WWC2: variants seen among roughly 807,000 people sequenced by gnomAD.
WWC2 encodes the protein protein WWC2.
WWC2 carries 101 observed loss-of-function variants against 138.5 expected under a neutral mutation model. The observed-to-expected ratio is 0.73, with a 90% CI of 0.62 to 0.86. The LOEUF (loss-of-function observed/expected upper bound fraction) is 0.86. Ranked by LOEUF, WWC2 falls within the 40% of genes least tolerant of loss-of-function variation. WWC2 has a pLI of 0.00. For synonymous variants in WWC2, 558 were observed against 538.4 expected (o/e 1.04, Z -0.50); for missense variants, 1,420 against 1,419.4 (o/e 1.00, Z -0.01).
intron 1 of WWC2, among the ~76,000 whole-genome samples, chr4:183,164,063 A>G (rs1260585490): frequency 6.6e-6 from 1 of 151,776 alleles, no homozygotes; most frequent in African/African-American, 2.4e-5. Context: ...AGAAAATGGA[A>G]CTGAAATTAA....
intron 1 of WWC2, among the ~76,000 whole-genome samples, chr4:183,183,341 C>G (rs1734694791): frequency 6.6e-6 from 1 of 151,902 alleles, no homozygotes; most frequent in South Asian, 2.1e-4. Flanking sequence ...AGTCTCCCTT[C>G]CCCCACCTGG....
At position 183,318,125 on chromosome 4, in the gene WWC2, G is replaced by A. The variant is rs904454649; in HGVS notation, c.*2396G>A. On this transcript the variant is annotated 3_prime_UTR_variant, in exon 23 of 23. Coordinates refer to ENST00000403733, the MANE Select transcript of WWC2 (RefSeq NM_024949.6). ...TATTTTTAAAAGGTAGAATTTATTC[G>A]CACAGGGTAAAAAGAATGTAATATT... The A allele has an allele frequency of 1.8e-4, 27 of 152,026 alleles. No individual in the cohort carries two copies. The highest frequency in any genetic ancestry group is 3.2e-3 in the Middle Eastern group (1 of 314). The allele number at this position is 152,026 out of a possible 1,614,324, so 9.4% of individuals were successfully genotyped here.
At chr4:183,229,552 T>A (rs1383378281) in intron 4 of WWC2, among the ~76,000 whole-genome samples, 1 of 152,018 alleles carries the variant, frequency 6.6e-6, no homozygotes, top group African/African-American at 2.4e-5. Flanking sequence ...AATGTTTCCA[T>A]CACCAGGGAT....
intron 1 of WWC2, among the ~76,000 whole-genome samples, chr4:183,179,986 A>G (rs1315546911): frequency 1.3e-5 from 2 of 152,208 alleles, no homozygotes; most frequent in African/African-American, 2.4e-5. Context: ...GAGCTTAACA[A>G]TGTCACTAAA....
chr4:183,315,063 G>T (rs981417523), intron 22 of WWC2, among the ~76,000 whole-genome samples: 1 of 152,220 alleles, frequency 6.6e-6, no homozygotes, highest in Non-Finnish European at 1.5e-5. Flanking sequence ...GTGAAGTTCT[G>T]TAGGGAAATA....
intron 1 of WWC2, among the ~76,000 whole-genome samples, chr4:183,136,811 G>A (rs1167500789): frequency 6.6e-6 from 1 of 152,050 alleles, no homozygotes; most frequent in East Asian, 1.9e-4. Flanking sequence ...TTCCAGTGTG[G>A]CCCAGGGAAA....
chr4:183,254,668 G>C (rs1424988398), intron 9 of WWC2, among the ~76,000 whole-genome samples: 1 of 152,226 alleles, frequency 6.6e-6, no homozygotes, highest in East Asian at 1.9e-4. Flanking sequence ...AAGAGCCTGG[G>C]TCCAGGCCTT....
chr4:183,300,189 C>G (rs995387360), intron 21 of WWC2, among the ~76,000 whole-genome samples: 3 of 152,076 alleles, frequency 2.0e-5, no homozygotes, highest in African/African-American at 7.2e-5. Flanking sequence ...GGAGGTGAAT[C>G]ACACCCTTCT....
At chr4:183,205,614 T>A (rs1188685847) in intron 2 of WWC2, among the ~76,000 whole-genome samples, 2 of 152,086 alleles carry the variant, frequency 1.3e-5, no homozygotes, top group African/African-American at 4.8e-5. Context: ...GAGTTTTATA[T>A]TTTTTTTCTT....
intron 21 of WWC2, 64 bp downstream of exon 21, chr4:183,289,699 G>T: frequency 6.4e-7 from 1 of 1,570,454 alleles, no homozygotes; most frequent in South Asian, 1.2e-5. Context: ...GTGCCATGTA[G>T]AAGGTACCCA....
At chr4:183,278,049 G>C (rs980249396) in intron 16 of WWC2, among the ~76,000 whole-genome samples, 14 of 152,006 alleles carry the variant, frequency 9.2e-5, no homozygotes, top group Non-Finnish European at 2.1e-4. Context: ...TGGAGTCCTT[G>C]CCCATGCCTA....
chr4:183,313,367 G>C (rs1490002096), intron 22 of WWC2, among the ~76,000 whole-genome samples: 1 of 152,172 alleles, frequency 6.6e-6, no homozygotes, highest in Non-Finnish European at 1.5e-5. Context: ...AGGCATTGTG[G>C]AGAGTGGGCT....
intron 1 of WWC2, among the ~76,000 whole-genome samples, chr4:183,165,605 T>G (rs1734109726): frequency 6.6e-6 from 1 of 152,182 alleles, no homozygotes; most frequent in Admixed American, 6.5e-5. Flanking sequence ...AGATATTTCC[T>G]GTTACATAAA....
intron 15 of WWC2, chr4:183,269,618 G>A (rs578071049): frequency 1.1e-4 from 43 of 398,098 alleles, no homozygotes; most frequent in East Asian, 8.8e-4. Flanking sequence ...TATATTCAAC[G>A]GTCATACAAC....
intron 11 of WWC2, among the ~76,000 whole-genome samples, chr4:183,263,756 G>A (rs953786023): frequency 6.6e-6 from 1 of 152,070 alleles, no homozygotes; most frequent in Non-Finnish European, 1.5e-5. Context: ...GTGAGACCTT[G>A]TCTCAAAAAA....
rs143527769 is a variant in WWC2, at chr4:183,211,722, T to C, written c.522+2697T>C. On this transcript the variant is annotated intron_variant, in intron 4 of 22. Coordinates refer to ENST00000403733, the MANE Select transcript of WWC2 (RefSeq NM_024949.6). ...CTCTGTGTCTCAGGTGCTCAGTCAC[T>C]GCATGCTCCCAGCCTTTCACTTTCT... Among the ~76,000 whole-genome samples the C allele has an allele frequency of 6.7e-3, 1,014 of 152,320 alleles. 17 individuals are homozygous for C. Among genetic ancestry groups the C allele is most frequent in the African/African-American group, 0.023 (952 of 41,572 alleles).
chr4:183,202,991 T>C (rs181555471), intron 2 of WWC2, among the ~76,000 whole-genome samples: 110 of 152,294 alleles, frequency 7.2e-4, no homozygotes, highest in Non-Finnish European at 1.4e-3. Flanking sequence ...AAGGAGGAAA[T>C]TGAACCCTGG....
At chr4:183,244,876 A>G (rs1243086566) in intron 5 of WWC2, among the ~76,000 whole-genome samples, 2 of 152,128 alleles carry the variant, frequency 1.3e-5, no homozygotes, top group African/African-American at 4.8e-5. Flanking sequence ...GGATCATTCA[A>G]ACAGATTGAA....
intron 21 of WWC2, among the ~76,000 whole-genome samples, chr4:183,296,888 C>T (rs1046737532): frequency 1.6e-5 from 2 of 125,414 alleles, no homozygotes; most frequent in Admixed American, 2.1e-4. Context: ...GAGCCGAGAT[C>T]GCACCACTGC....
Sources: allele counts gnomAD v4.1 joint callset (sites outside exome capture counted in the v4.1 genomes callset), GRCh38; gene constraint gnomAD v4.1.1; transcripts MANE v1.5; gene names NCBI Gene and HGNC (gene_info 2026-07-23, HGNC 2026-07-21).